The following ZNF346 variants were observed in gnomAD, a reference collection of about 807,000 sequenced individuals.
ZNF346 encodes the protein zinc finger protein 346.
In ZNF346, 23 loss-of-function variants were observed where a neutral mutation model predicts 33.7. That is an observed-to-expected ratio of 0.68 (90% CI 0.49 to 0.97). The LOEUF (loss-of-function observed/expected upper bound fraction) is 0.97. ZNF346 is among the 50% of genes least tolerant of loss of function. The pLI is 0.00. For synonymous variants in ZNF346, 134 were observed against 142.4 expected (o/e 0.94, Z 0.42); for missense variants, 340 against 371.1 (o/e 0.92, Z 0.69).
intron 5 of ZNF346, chr5:177,052,483 A>G (rs1271657630): frequency 9.0e-6 from 1 of 110,676 alleles, no homozygotes; most frequent in Admixed American, 9.3e-5. Context: ...AAGCCCAGCC[A>G]AAAAAAAAAA....
chr5:177,077,130 G>A lies in ZNF346; in HGVS notation c.*3-2252G>A, dbSNP rs557530340. On this transcript the variant is annotated intron_variant, in intron 8 of 8. Transcript: ENST00000503039. The surrounding 1 kb of genome is among the most constrained non-coding windows in gnomAD (Gnocchi z 5.0). Reference sequence around the variant, plus strand: ...AGCCAAATATTTGTTATGTAAAGTCGTTAAGTTTAAAAGTAATGTGTTATG... The same window carrying A: ...AGCCAAATATTTGTTATGTAAAGTCATTAAGTTTAAAAGTAATGTGTTATG... 2.0e-5 allele frequency among the ~76,000 whole-genome samples: 3 copies of A among 152,246 alleles called. No homozygotes were observed. The highest frequency in any genetic ancestry group is 2.9e-5 in the Non-Finnish European group (2 of 68,004).
intron 5 of ZNF346, among the ~76,000 whole-genome samples, chr5:177,051,274 A>G (rs944304032): frequency 1.4e-5 from 2 of 140,938 alleles, no homozygotes; most frequent in Admixed American, 1.5e-4. Context: ...TCCCAGGTTC[A>G]TGCCATCCTT....
intron 4 of ZNF346, among the ~76,000 whole-genome samples, chr5:177,045,058 C>T (rs1779850814): frequency 6.6e-6 from 1 of 152,186 alleles, no homozygotes; most frequent in Admixed American, 6.5e-5. Flanking sequence ...CTGTAACTGC[C>T]ATGAATTCAT....
rs1783291682 is a variant in ZNF346, at chr5:177,067,664, TCA to T, written c.*3072_*3073del. ...TGAACACTTTCTTGCCCTTAGGGGT[TCA>T]CACACAGTCAAAGATCATGATGACA... On this transcript the variant is annotated 3_prime_UTR_variant, in exon 7 of 7. Coordinates refer to ENST00000358149, the MANE Select transcript of ZNF346 (RefSeq NM_012279.4). 6.6e-6 allele frequency among the ~76,000 whole-genome samples: 1 copy of T among 152,200 alleles called. No homozygotes were observed. The highest frequency in any genetic ancestry group is 2.4e-5 in the African/African-American group (1 of 41,458).
intron 1 of ZNF346, among the ~76,000 whole-genome samples, chr5:177,039,748 G>T (rs1057197795): frequency 6.6e-6 from 1 of 152,144 alleles, no homozygotes; most frequent in African/African-American, 2.4e-5. Context: ...AAAATGCTGG[G>T]ATTACAGGTG....
rs147354884 is a variant in ZNF346 at position 177,053,643 on chromosome 5, G to A, written c.703+2707G>A. ...CTGTTAAGAGAGGGAAAAAAATATC[G>A]ACCTTGATGAGTTTTTCTTACATGT... On this transcript the variant is annotated intron_variant, in intron 5 of 6. Coordinates refer to ENST00000358149, the MANE Select transcript of ZNF346 (RefSeq NM_012279.4). Among the ~76,000 whole-genome samples the A allele has an allele frequency of 9.5e-4, 144 of 152,108 alleles. 1 individual carries two copies. Among genetic ancestry groups the A allele is most frequent in the African/African-American group, 3.3e-3 (139 of 41,498 alleles).
chr5:177,066,546 A>G lies in ZNF346; in HGVS notation c.*1947A>G, dbSNP rs1308060905. Among the ~76,000 whole-genome samples, 1 of 151,962 alleles carries G rather than the reference A, an allele frequency of 6.6e-6. No homozygotes were observed. The highest frequency in any genetic ancestry group is 2.4e-5 in the African/African-American group (1 of 41,380). ...TAGGCCTGGTGATTCTTGAAAGAGCATTTTTCATGACTCAAAAATGAGCTG... is the reference window on the plus strand; with the variant it reads ...TAGGCCTGGTGATTCTTGAAAGAGCGTTTTTCATGACTCAAAAATGAGCTG... On this transcript the variant is annotated 3_prime_UTR_variant, in exon 7 of 7. Coordinates refer to ENST00000358149, the MANE Select transcript of ZNF346 (RefSeq NM_012279.4).
chr5:177,034,514 A>G (rs1778202200), intron 1 of ZNF346, among the ~76,000 whole-genome samples: 1 of 152,186 alleles, frequency 6.6e-6, no homozygotes, highest in Admixed American at 6.6e-5. Flanking sequence ...GGCATGAACC[A>G]TCACACCCAA....
chr5:177,035,917 G>A (rs1257254546), intron 1 of ZNF346, among the ~76,000 whole-genome samples: 2 of 151,900 alleles, frequency 1.3e-5, no homozygotes, highest in African/African-American at 4.8e-5. Context: ...GGTATTACAG[G>A]CGTGAGCTAC....
intron 5 of ZNF346, 116 bp from the exon 6 acceptor site, chr5:177,061,942 A>C (rs1319491412): frequency 2.1e-5 from 17 of 805,448 alleles, no homozygotes; most frequent in East Asian, 7.9e-5. Context: ...AGGGCCAGCA[A>C]CCTCACCTCG....
At chr5:177,024,653 G>T (rs1776512248) in intron 1 of ZNF346, among the ~76,000 whole-genome samples, 1 of 152,190 alleles carries the variant, frequency 6.6e-6, no homozygotes, top group African/African-American at 2.4e-5. Flanking sequence ...CCCTGGAAAG[G>T]CTTGCAGTCT....
intron 5 of ZNF346, among the ~76,000 whole-genome samples, chr5:177,053,452 G>A (rs1324966851): frequency 6.6e-6 from 1 of 151,876 alleles, no homozygotes; most frequent in Non-Finnish European, 1.5e-5. Flanking sequence ...CACCCAGCCT[G>A]CTGTTATCAA....
At chr5:177,076,767 G>A (rs1325280972) in intron 8 of ZNF346, among the ~76,000 whole-genome samples, 9 of 152,174 alleles carry the variant, frequency 5.9e-5, no homozygotes, top group Non-Finnish European at 1.2e-4. Flanking sequence ...TGAGCCGGGC[G>A]TGGTGGCTCA....
chr5:177,075,271 TG>T (rs1284972969), intron 8 of ZNF346, among the ~76,000 whole-genome samples: 1 of 151,082 alleles, frequency 6.6e-6, no homozygotes, highest in Admixed American at 6.6e-5. Flanking sequence ...GGCATGGTGG[TG>T]GGTGCCTGTA....
At chr5:177,043,388 C>T (rs1312626727) in intron 3 of ZNF346, among the ~76,000 whole-genome samples, 1 of 152,126 alleles carries the variant, frequency 6.6e-6, no homozygotes, top group Non-Finnish European at 1.5e-5. Flanking sequence ...ATTCAGAGAT[C>T]AGGCTTTCTG....
chr5:177,080,901 C>A (rs930974055), exon 9 of ZNF346: 1 of 152,156 alleles, frequency 6.6e-6, no homozygotes, highest in Admixed American at 6.6e-5. Context: ...CCAAGCTAGA[C>A]CTCCCTGGAG....
intron 3 of ZNF346, among the ~76,000 whole-genome samples, chr5:177,044,071 A>G (rs1234926666): frequency 6.6e-6 from 1 of 151,326 alleles, no homozygotes; most frequent in Non-Finnish European, 1.5e-5. Flanking sequence ...TTTTTGAGAG[A>G]AAGTCCCCCA....
intron 6 of ZNF346, among the ~76,000 whole-genome samples, chr5:177,063,785 G>A (rs1456837881): frequency 6.6e-6 from 1 of 152,174 alleles, no homozygotes; most frequent in Non-Finnish European, 1.5e-5. Context: ...CTACTTGAGA[G>A]GCTGAAGTGG....
intron 5 of ZNF346, among the ~76,000 whole-genome samples, chr5:177,054,791 G>A (rs1781447246): frequency 6.6e-6 from 1 of 152,078 alleles, no homozygotes. Flanking sequence ...GGGGAGTGGT[G>A]GCGGGACTAC....
Sources: gnomAD v4.1 joint callset for allele counts (sites outside exome capture counted in the v4.1 genomes callset) on GRCh38, gnomAD v4.1.1 for gene constraint, Gnocchi (gnomAD v3.1) non-coding constraint, MANE v1.5 for transcripts, NCBI Gene and HGNC (gene_info 2026-07-23, HGNC 2026-07-21) for gene names.